AFG2A: variants seen among roughly 807,000 people sequenced by gnomAD.
AFG2A encodes the protein AAA ATPase AFG2A, also known as ATPase family gene 2 protein homolog A.
the AFG2A span, among the ~76,000 whole-genome samples, chr4:123,210,617 G>T: frequency 6.6e-6 from 1 of 152,082 alleles, no homozygotes; most frequent in African/African-American, 2.4e-5. Flanking sequence ...TCATATCTTG[G>T]CTATTGTGAA....
At chr4:123,225,786 G>A in the AFG2A span, among the ~76,000 whole-genome samples, 4 of 152,238 alleles carry the variant, frequency 2.6e-5, no homozygotes, top group African/African-American at 9.6e-5. Context: ...CATTGAATCT[G>A]TAAATTACCT....
At chr4:123,123,103 A>C in the AFG2A span, among the ~76,000 whole-genome samples, 50 of 152,308 alleles carry the variant, frequency 3.3e-4, no homozygotes, top group Non-Finnish European at 6.5e-4. Flanking sequence ...TAAAAATCAT[A>C]AAATATAACT....
At chr4:122,923,439 C>G in the AFG2A span, 1 of 1,170,210 alleles carries the variant, frequency 8.5e-7, no homozygotes. Context: ...GGCACAGAAG[C>G]GTGTAAGACT....
chr4:123,111,787 G>A, the AFG2A span, among the ~76,000 whole-genome samples: 4 of 151,678 alleles, frequency 2.6e-5, no homozygotes, highest in Admixed American at 6.6e-5. Flanking sequence ...CCCAGGATGG[G>A]GTGCAATGGC....
chr4:123,036,021 A>C, the AFG2A span, among the ~76,000 whole-genome samples: 2 of 152,134 alleles, frequency 1.3e-5, no homozygotes, highest in Non-Finnish European at 2.9e-5. Context: ...TTTTTGAATG[A>C]AATTTAGAGG....
the AFG2A span, among the ~76,000 whole-genome samples, chr4:123,108,052 G>T: frequency 6.6e-6 from 1 of 152,312 alleles, no homozygotes; most frequent in East Asian, 1.9e-4. Flanking sequence ...ACTCAGTAGG[G>T]GCCAGGGCTC....
the AFG2A span, among the ~76,000 whole-genome samples, chr4:123,190,553 A>AAGGGT: frequency 6.6e-6 from 1 of 152,158 alleles, no homozygotes; most frequent in East Asian, 1.9e-4. Context: ...GAAAGGCCTG[A>AAGGGT]AGGGTACCTC....
the AFG2A span, among the ~76,000 whole-genome samples, chr4:123,273,455 A>G: frequency 6.6e-6 from 1 of 152,252 alleles, no homozygotes; most frequent in East Asian, 1.9e-4. Flanking sequence ...ATTAATATAG[A>G]TATATTACAT....
the AFG2A span, among the ~76,000 whole-genome samples, chr4:122,970,015 G>A: frequency 6.6e-6 from 1 of 152,102 alleles, no homozygotes; most frequent in African/African-American, 2.4e-5. Context: ...TTGTAAAGTA[G>A]TAGTGTAATT....
At chr4:123,089,769 G>A in the AFG2A span, among the ~76,000 whole-genome samples, 1 of 151,808 alleles carries the variant, frequency 6.6e-6, no homozygotes, top group Non-Finnish European at 1.5e-5. Flanking sequence ...ATTTTTTTTA[G>A]TAGAGACGGG....
At chr4:123,029,829 G>T in the AFG2A span, among the ~76,000 whole-genome samples, 1 of 152,012 alleles carries the variant, frequency 6.6e-6, no homozygotes, top group African/African-American at 2.4e-5. Flanking sequence ...GTAGAGACAG[G>T]GTCTCACTGT....
At chr4:123,074,269 A>AT in the AFG2A span, among the ~76,000 whole-genome samples, 2 of 151,328 alleles carry the variant, frequency 1.3e-5, no homozygotes, top group Non-Finnish European at 3.0e-5. Flanking sequence ...TAATTTTCGT[A>AT]TTTTTTAATA....
At chr4:123,104,836 G>GA in the AFG2A span, among the ~76,000 whole-genome samples, 12 of 152,144 alleles carry the variant, frequency 7.9e-5, no homozygotes, top group Admixed American at 3.9e-4. Flanking sequence ...AAGAAAAGTT[G>GA]GCAGCTAGCA....
At chr4:122,924,144 C>T in the AFG2A span, among the ~76,000 whole-genome samples, 6 of 152,196 alleles carry the variant, frequency 3.9e-5, no homozygotes, top group Non-Finnish European at 8.8e-5. Flanking sequence ...CCTTAGGTAT[C>T]AGAGGACAAC....
chr4:122,997,477 T>A, the AFG2A span, among the ~76,000 whole-genome samples: 1 of 152,222 alleles, frequency 6.6e-6, no homozygotes, highest in Non-Finnish European at 1.5e-5. Context: ...GTATTTAATT[T>A]TTTTTAACTG....
At chr4:123,163,194 G>T in the AFG2A span, among the ~76,000 whole-genome samples, 1 of 152,180 alleles carries the variant, frequency 6.6e-6, no homozygotes, top group African/African-American at 2.4e-5. Context: ...CCAGCACTTT[G>T]GGAGGCCGAG....
chr4:123,150,151 A>C, the AFG2A span, among the ~76,000 whole-genome samples: 1 of 152,148 alleles, frequency 6.6e-6, no homozygotes, highest in Non-Finnish European at 1.5e-5. Context: ...ATTCATGACA[A>C]ACCCACAGCC....
At chr4:122,948,585 A>AGTGGGAT in the AFG2A span, among the ~76,000 whole-genome samples, 3 of 152,216 alleles carry the variant, frequency 2.0e-5, no homozygotes, top group African/African-American at 7.2e-5. Context: ...TATTAACTTC[A>AGTGGGAT]GTGGGATGGT....
the AFG2A span, chr4:122,929,205 T>G: frequency 6.4e-7 from 1 of 1,560,916 alleles, no homozygotes; most frequent in South Asian, 1.2e-5. Flanking sequence ...GAGGTTTGGC[T>G]CTTTTCTTTG....
Sources: allele counts gnomAD v4.1 joint callset (sites outside exome capture counted in the v4.1 genomes callset), GRCh38; gene constraint gnomAD v4.1.1; transcripts MANE v1.5; gene names NCBI Gene and HGNC (gene_info 2026-07-23, HGNC 2026-07-21).